The following PRKCA variants were observed in gnomAD, a reference collection of about 807,000 sequenced individuals.
The protein encoded by PRKCA is protein kinase C alpha type.
A neutral mutation model predicts 87.0 loss-of-function variants in PRKCA; 27 were observed. That is an observed-to-expected ratio of 0.31 (90% confidence interval 0.23 to 0.43). The LOEUF is 0.43. Ranked by LOEUF, PRKCA falls within the 20% of genes least tolerant of loss-of-function variation. The pLI is 1.00. For synonymous variants in PRKCA, 329 were observed against 311.1 expected (o/e 1.06, Z -0.61); for missense variants, 518 against 852.3 (o/e 0.61, Z 4.88).
chr17:66,562,596 TTG>T (rs1968749021), intron 3 of PRKCA, among the ~76,000 whole-genome samples: 1 of 140,498 alleles, frequency 7.1e-6, no homozygotes, highest in Admixed American at 7.2e-5. Flanking sequence ...TTTTTTTTTG[TTG>T]TTGTTGTTGT....
chr17:66,551,643 G>A (rs146802964), intron 3 of PRKCA, among the ~76,000 whole-genome samples: 1 of 152,168 alleles, frequency 6.6e-6, no homozygotes, highest in Admixed American at 6.5e-5. Context: ...CATACTCAAG[G>A]GGGGGATATT....
intron 2 of PRKCA, among the ~76,000 whole-genome samples, chr17:66,450,098 T>C (rs909994337): frequency 6.6e-6 from 1 of 151,858 alleles, no homozygotes; most frequent in Non-Finnish European, 1.5e-5. Flanking sequence ...TACATTTTTA[T>C]CCCATACTAA....
At chr17:66,656,454 G>A (rs1016678971) in intron 5 of PRKCA, among the ~76,000 whole-genome samples, 28 of 152,304 alleles carry the variant, frequency 1.8e-4, no homozygotes, top group African/African-American at 6.5e-4. Flanking sequence ...TCTTGTGCAG[G>A]ATTTTAATTG....
chr17:66,437,040 G>A (rs1913432456), intron 2 of PRKCA, among the ~76,000 whole-genome samples: 1 of 152,164 alleles, frequency 6.6e-6, no homozygotes, highest in African/African-American at 2.4e-5. Context: ...ATGGAGTGGT[G>A]CTTAGAAGAG....
In PRKCA at chr17:66,732,779, C is replaced by T. The variant is rs148368351; in HGVS notation, c.1010C>T (p.Thr337Met). Reference sequence around the variant, plus strand: ...AACAACCTTGACCGAGTGAAACTCACGGACTTCAATTTCCTCATGGTGTTG... The same window carrying T: ...AACAACCTTGACCGAGTGAAACTCATGGACTTCAATTTCCTCATGGTGTTG... The part of the protein sequence containing the change: ...PSNNLDRVKL[T>M]DFNFLMVLGK... The change falls in exon 9 of 17, where the codon ACG becomes ATG. Residue 337 changes from threonine (T) to methionine (M), a missense_variant. Transcript: ENST00000413366. 16 of 1,614,102 alleles carry T rather than the reference C, an allele frequency of 9.9e-6. No homozygotes were observed. The African/African-American group carries it at 1.7e-4, about 17-fold the overall frequency.
chr17:66,492,850 C>T (rs764303625), intron 2 of PRKCA, among the ~76,000 whole-genome samples: 4 of 152,234 alleles, frequency 2.6e-5, no homozygotes, highest in Non-Finnish European at 5.9e-5. Flanking sequence ...TTGAGTGTCT[C>T]TGTGCTGCCT....
At chr17:66,450,841 C>G (rs1016158746) in intron 2 of PRKCA, among the ~76,000 whole-genome samples, 1 of 152,106 alleles carries the variant, frequency 6.6e-6, no homozygotes, top group Non-Finnish European at 1.5e-5. Flanking sequence ...TTTTTAAAAC[C>G]GCTAACTGAT....
chr17:66,568,515 C>G (rs963458202), intron 3 of PRKCA, among the ~76,000 whole-genome samples: 1 of 151,962 alleles, frequency 6.6e-6, no homozygotes, highest in East Asian at 1.9e-4. Flanking sequence ...GGAAGGCTGG[C>G]GCTGCAGAAA....
At chr17:66,589,220 A>G (rs1328185742) in intron 3 of PRKCA, among the ~76,000 whole-genome samples, 5 of 152,282 alleles carry the variant, frequency 3.3e-5, no homozygotes, top group Non-Finnish European at 7.4e-5. Flanking sequence ...TCATTTCATT[A>G]CAAACCCACC....
At chr17:66,773,825 T>A (rs1387623686) in intron 13 of PRKCA, among the ~76,000 whole-genome samples, 162 bp from the exon 14 acceptor site, 1 of 152,036 alleles carries the variant, frequency 6.6e-6, no homozygotes, top group Non-Finnish European at 1.5e-5. Context: ...TCCGTGTGTC[T>A]GATTTGAAGG....
At chr17:66,354,824 T>G (rs1907958806) in intron 2 of PRKCA, among the ~76,000 whole-genome samples, 2 of 152,234 alleles carry the variant, frequency 1.3e-5, no homozygotes, top group African/African-American at 4.8e-5. Context: ...AAAAGGATGA[T>G]CAAACAAATT....
chr17:66,498,649 A>C (rs1916588192), intron 3 of PRKCA, among the ~76,000 whole-genome samples: 1 of 152,252 alleles, frequency 6.6e-6, no homozygotes, highest in Non-Finnish European at 1.5e-5. Context: ...TCACTAATTC[A>C]AATAGGATAC....
chr17:66,768,763 A>G (rs191207509), intron 13 of PRKCA, among the ~76,000 whole-genome samples: 40 of 152,310 alleles, frequency 2.6e-4, no homozygotes, highest in African/African-American at 7.7e-4. Flanking sequence ...CCATGAGCCA[A>G]TCACCTCCCT....
intron 3 of PRKCA, among the ~76,000 whole-genome samples, chr17:66,509,635 C>T (rs138841551): frequency 1.7e-4 from 26 of 152,314 alleles, no homozygotes; most frequent in African/African-American, 6.0e-4. Flanking sequence ...CATACAAAAA[C>T]ACCATTGTGT....
At chr17:66,748,705 A>G (rs1206402784) in intron 13 of PRKCA, among the ~76,000 whole-genome samples, 1 of 152,170 alleles carries the variant, frequency 6.6e-6, no homozygotes, top group Non-Finnish European at 1.5e-5. Context: ...GAGGACATCT[A>G]TGGTAAATGG....
intron 8 of PRKCA, among the ~76,000 whole-genome samples, chr17:66,711,552 G>A (rs938665101): frequency 1.3e-5 from 2 of 152,112 alleles, no homozygotes; most frequent in East Asian, 1.9e-4. Context: ...TTCTGATAGC[G>A]CCACTCTCTT....
chr17:66,346,388 C>G (rs571967286), intron 2 of PRKCA, among the ~76,000 whole-genome samples: 1 of 150,686 alleles, frequency 6.6e-6, no homozygotes, highest in African/African-American at 2.5e-5. Flanking sequence ...TGAGCCACCA[C>G]GCCCTGCTGA....
At chr17:66,457,055 T>G (rs2143946296) in intron 2 of PRKCA, among the ~76,000 whole-genome samples, 1 of 152,270 alleles carries the variant, frequency 6.6e-6, no homozygotes, top group Middle Eastern at 3.4e-3. Flanking sequence ...CATGGGAGGG[T>G]GCTTGGCATG....
In PRKCA at chr17:66,689,169, T is replaced by C; in HGVS notation, c.918+122T>C. The C allele has an allele frequency of 3.4e-6, 2 of 584,180 alleles. No homozygotes were observed. Among genetic ancestry groups the C allele is most frequent in the East Asian group, 3.3e-5 (1 of 30,664 alleles). The allele number at this position is 584,180 out of a possible 1,614,324, so 36.2% of individuals were successfully genotyped here. A position where few individuals can be genotyped will look rare whatever the true frequency, so the allele number is the denominator to read the frequency against. Reference sequence around the variant, plus strand: ...AAAAGTAATCTCAATGTTAATGATCTTTTTCTTTATTTAAAAACATGAATG... The same window carrying C: ...AAAAGTAATCTCAATGTTAATGATCCTTTTCTTTATTTAAAAACATGAATG... On this transcript the variant is annotated intron_variant, in intron 8 of 16. Transcript: ENST00000413366. This position sits in a 1 kb window ranked among gnomAD's most constrained non-coding sequence, Gnocchi z 4.1.
Sources: gnomAD v4.1 joint callset for allele counts (sites outside exome capture counted in the v4.1 genomes callset) on GRCh38, gnomAD v4.1.1 for gene constraint, Gnocchi (gnomAD v3.1) non-coding constraint, MANE v1.5 for transcripts, NCBI Gene and HGNC (gene_info 2026-07-23, HGNC 2026-07-21) for gene names.